The following ROBO2 variants were observed in gnomAD, a reference collection of about 807,000 sequenced individuals.
The protein encoded by ROBO2 is roundabout homolog 2.
In ROBO2, 53 loss-of-function variants were observed where a neutral mutation model predicts 160.8. That is an observed-to-expected ratio of 0.33 (90% CI 0.26 to 0.41). The LOEUF is 0.41. ROBO2 is among the 10% of genes least tolerant of loss of function. The probability of loss-of-function intolerance (pLI) is 1.00; values close to 1 mark genes in which losing one functional copy is unlikely to be tolerated. For synonymous variants in ROBO2, 664 were observed against 611.7 expected (o/e 1.09, Z -1.26); for missense variants, 1,577 against 1,722.4 (o/e 0.92, Z 1.49).
chr3:76,609,180 A>G (rs2087886787), intron 2 of ROBO2, among the ~76,000 whole-genome samples: 1 of 151,932 alleles, frequency 6.6e-6, no homozygotes, highest in Non-Finnish European at 1.5e-5. Flanking sequence ...AGGTGTGTGG[A>G]GTTGTTTCTG....
At chr3:76,297,655 C>G (rs1244581101) in intron 2 of ROBO2, among the ~76,000 whole-genome samples, 1 of 60,856 alleles carries the variant, frequency 1.6e-5, no homozygotes, top group Admixed American at 2.3e-4. Flanking sequence ...AATTGTATTT[C>G]AAGAAAAAAA....
At chr3:76,011,538 A>G (rs1351404533) in intron 2 of ROBO2, among the ~76,000 whole-genome samples, 1 of 152,176 alleles carries the variant, frequency 6.6e-6, no homozygotes, top group African/African-American at 2.4e-5. Context: ...GCTCTTGTGA[A>G]TTGGACTCTG....
At chr3:76,262,661 A>G (rs751317233) in intron 2 of ROBO2, among the ~76,000 whole-genome samples, 1 of 152,164 alleles carries the variant, frequency 6.6e-6, no homozygotes, top group Non-Finnish European at 1.5e-5. Flanking sequence ...AGTTAAACTT[A>G]TTGCAGACAA....
intron 2 of ROBO2, among the ~76,000 whole-genome samples, chr3:76,199,871 G>C (rs1218879929): frequency 6.6e-6 from 1 of 152,060 alleles, no homozygotes; most frequent in African/African-American, 2.4e-5. Flanking sequence ...CTACTATAAA[G>C]TTTCTTTACT....
intron 2 of ROBO2, among the ~76,000 whole-genome samples, chr3:76,193,003 A>G (rs1702086114): frequency 6.6e-6 from 1 of 152,148 alleles, no homozygotes; most frequent in Non-Finnish European, 1.5e-5. Flanking sequence ...TATTATATTT[A>G]CTTGACTTCT....
At chr3:76,513,899 GA>G (rs923717328) in intron 2 of ROBO2, among the ~76,000 whole-genome samples, 2 of 151,836 alleles carry the variant, frequency 1.3e-5, no homozygotes, top group African/African-American at 4.8e-5. Flanking sequence ...AGAACTTTTT[GA>G]AAAAATAACC....
intron 2 of ROBO2, among the ~76,000 whole-genome samples, chr3:77,291,055 T>A (rs1301987446): frequency 6.7e-6 from 1 of 149,706 alleles, no homozygotes; most frequent in Non-Finnish European, 1.5e-5. Context: ...ACGAGTAAGC[T>A]GAGGCTAGAT....
intron 2 of ROBO2, among the ~76,000 whole-genome samples, chr3:77,304,293 G>T (rs1899374): frequency 6.6e-6 from 1 of 152,032 alleles, no homozygotes; most frequent in Non-Finnish European, 1.5e-5. Context: ...AACAAAAAAA[G>T]CTCAGCAGAA....
chr3:76,491,294 G>A (rs1223390738), intron 2 of ROBO2, among the ~76,000 whole-genome samples: 1 of 152,076 alleles, frequency 6.6e-6, no homozygotes, highest in Non-Finnish European at 1.5e-5. Flanking sequence ...CATCACATCA[G>A]CCGTAGAGCA....
At chr3:77,331,774 C>T (rs976410639) in intron 2 of ROBO2, among the ~76,000 whole-genome samples, 1 of 152,008 alleles carries the variant, frequency 6.6e-6, no homozygotes, top group African/African-American at 2.4e-5. Flanking sequence ...CGCGATATGT[C>T]GGCTCACTGC....
intron 1 of ROBO2, among the ~76,000 whole-genome samples, chr3:77,097,281 C>A (rs1225698655): frequency 6.6e-6 from 1 of 152,076 alleles, no homozygotes; most frequent in Non-Finnish European, 1.5e-5. Context: ...TCATTCTTTA[C>A]GGCTCAATCT....
chr3:76,328,786 G>C (rs2073233515), intron 2 of ROBO2, among the ~76,000 whole-genome samples: 1 of 151,974 alleles, frequency 6.6e-6, no homozygotes, highest in South Asian at 2.1e-4. Context: ...GTGAACCCGG[G>C]AGGCGGACCT....
chr3:77,249,898 G>GT (rs1483114426), intron 2 of ROBO2, among the ~76,000 whole-genome samples: 18 of 149,794 alleles, frequency 1.2e-4, no homozygotes, highest in Non-Finnish European at 1.6e-4. Context: ...AGATTTAATG[G>GT]GTTTTTTTTT....
intron 1 of ROBO2, chr3:75,907,002 AG>A (rs1439517565): frequency 6.6e-6 from 1 of 152,406 alleles, no homozygotes; most frequent in Non-Finnish European, 1.5e-5. Flanking sequence ...CTCGAACCAG[AG>A]ACGTGGCATT....
intron 2 of ROBO2, among the ~76,000 whole-genome samples, chr3:76,312,463 ATCT>A (rs371234759): frequency 3.9e-5 from 6 of 152,332 alleles, no homozygotes; most frequent in African/African-American, 1.4e-4. Context: ...TATATTACAA[ATCT>A]TCTGCCTACT....
At chr3:76,488,442 C>G (rs2079619006) in intron 2 of ROBO2, among the ~76,000 whole-genome samples, 1 of 152,152 alleles carries the variant, frequency 6.6e-6, no homozygotes, top group Admixed American at 6.5e-5. Context: ...GTGGTCCTCT[C>G]TCTGCTGTTA....
At chr3:76,174,265 C>T (rs1202733038) in intron 2 of ROBO2, among the ~76,000 whole-genome samples, 5 of 152,052 alleles carry the variant, frequency 3.3e-5, no homozygotes, top group Non-Finnish European at 7.4e-5. Context: ...GGATTTTAGA[C>T]CTTTGTCAGA....
intron 2 of ROBO2, among the ~76,000 whole-genome samples, chr3:76,057,516 G>T (rs578240920): frequency 2.0e-5 from 3 of 152,088 alleles, no homozygotes; most frequent in Admixed American, 6.5e-5. Flanking sequence ...ACAAAAAGGG[G>T]TTGTGCTGCA....
chr3:76,396,464 T>A (rs971592714), intron 2 of ROBO2, among the ~76,000 whole-genome samples: 1 of 152,180 alleles, frequency 6.6e-6, no homozygotes, highest in African/African-American at 2.4e-5. Flanking sequence ...TGTTGGAAGT[T>A]CTGGTCAGGG....
Sources: gnomAD v4.1 joint callset for allele counts (sites outside exome capture counted in the v4.1 genomes callset) on GRCh38, gnomAD v4.1.1 for gene constraint, MANE v1.5 for transcripts, NCBI Gene and HGNC (gene_info 2026-07-23, HGNC 2026-07-21) for gene names.